The following LUC7L variants were observed in gnomAD, a reference collection of about 807,000 sequenced individuals.
LUC7L encodes putative RNA-binding protein Luc7-like 1.
In LUC7L, 29 loss-of-function variants were observed where a neutral mutation model predicts 51.1. The ratio of observed to expected loss-of-function variants is 0.57; its 90% CI spans 0.42 to 0.77. LUC7L has a LOEUF of 0.77. LUC7L is among the 30% of genes least tolerant of loss of function. LUC7L has a pLI of 0.00. For synonymous variants in LUC7L, 181 were observed against 180.7 expected, an observed-to-expected ratio of 1.00 and a Z score of -0.01; for missense variants, 403 against 511.9, an observed-to-expected ratio of 0.79 and a Z score of 2.05.
intron 3 of LUC7L, among the ~76,000 whole-genome samples, chr16:213,645 T>G (rs908441288): frequency 1.3e-5 from 2 of 152,168 alleles, no homozygotes; most frequent in African/African-American, 4.8e-5. Context: ...CCTCATGCAA[T>G]CCGTCTGCCT....
intron 3 of LUC7L, chr16:208,506 CAT>C: frequency 8.9e-6 from 5 of 560,408 alleles, no homozygotes; most frequent in South Asian, 2.9e-5. Flanking sequence ...GGCAGCAATT[CAT>C]AGAGTTCTCG....
chr16:212,762 T>G (rs1170247006), intron 3 of LUC7L, among the ~76,000 whole-genome samples: 4 of 152,106 alleles, frequency 2.6e-5, no homozygotes, highest in African/African-American at 9.7e-5. Context: ...TTTCAACATG[T>G]GAACACTAAA....
intron 3 of LUC7L, among the ~76,000 whole-genome samples, chr16:216,382 T>G (rs776639402): frequency 6.1e-5 from 3 of 48,842 alleles, no homozygotes; most frequent in South Asian, 6.0e-4. Flanking sequence ...AAATAGTTGT[T>G]TTTTTTTTTT....
intron 5 of LUC7L, 78 bp downstream of exon 5, chr16:205,926 T>G: frequency 6.6e-7 from 1 of 1,507,432 alleles, no homozygotes; most frequent in Non-Finnish European, 9.0e-7. Flanking sequence ...GGAGCAAGCA[T>G]GGGCTCAATT....
At chr16:201,254 A>C (rs1009875892) in intron 5 of LUC7L, among the ~76,000 whole-genome samples, 117 of 150,918 alleles carry the variant, frequency 7.8e-4, no homozygotes, top group African/African-American at 2.8e-3. Flanking sequence ...AAAAAAAAAA[A>C]AAAAAAAAAA....
At chr16:202,237 G>A (rs184287832) in intron 5 of LUC7L, among the ~76,000 whole-genome samples, 2 of 121,528 alleles carry the variant, frequency 1.6e-5, no homozygotes, top group East Asian at 4.4e-4. Flanking sequence ...ATATCACATG[G>A]CAAAAGAAGG....
intron 6 of LUC7L, among the ~76,000 whole-genome samples, chr16:194,622 G>A (rs1301030760): frequency 1.3e-5 from 2 of 152,188 alleles, no homozygotes; most frequent in Non-Finnish European, 2.9e-5. Context: ...CAGGGTGCTG[G>A]GTGCTACGCT....
chr16:207,332 C>T (rs997946675), intron 4 of LUC7L, among the ~76,000 whole-genome samples: 80 of 152,182 alleles, frequency 5.3e-4, no homozygotes, highest in African/African-American at 1.8e-3. Flanking sequence ...AAGTGATCCT[C>T]CCACCTCAGC....
intron 6 of LUC7L, 49 bp from the exon 7 acceptor site, chr16:193,064 A>G: frequency 7.1e-7 from 1 of 1,407,122 alleles, no homozygotes. Context: ...CACAAACCAG[A>G]GTGTGAATGC....
chr16:206,794 C>G (rs749244790), intron 4 of LUC7L, among the ~76,000 whole-genome samples: 16 of 151,136 alleles, frequency 1.1e-4, no homozygotes, highest in African/African-American at 3.9e-4. Context: ...CATGCTGGCT[C>G]ACACCTGTAA....
intron 3 of LUC7L, chr16:208,500 G>T: frequency 3.9e-6 from 2 of 506,724 alleles, no homozygotes; most frequent in Non-Finnish European, 2.8e-6. Context: ...ACACTTGGCA[G>T]CAATTCATAG....
chr16:229,114 C>T (rs2050206400), intron 1 of LUC7L, 165 bp downstream of exon 1: 1 of 1,402,702 alleles, frequency 7.1e-7, no homozygotes, highest in Non-Finnish European at 9.2e-7. Context: ...CAGAGACGCA[C>T]CGGCTTAGAC....
rs11863890 is a variant in LUC7L at position 229,118 on chromosome 16, C to G, written c.61+161G>C. The G allele has an allele frequency of 2.2e-3, 3,146 of 1,410,872 alleles. 34 individuals carry two copies. The African/African-American group carries it at 0.031, about 14-fold the overall frequency. The allele number at this position is 1,410,872 out of a possible 1,614,324, so 87.4% of individuals were successfully genotyped here. A position where few individuals can be genotyped will look rare whatever the true frequency, so the allele number is the denominator to read the frequency against. On this transcript the variant is annotated intron_variant, in intron 1 of 9. Transcript: ENST00000293872. Reference sequence around the variant, plus strand: ...CACGGCCGCCTCAGAGACGCACCGGCTTAGACAAAGGCCCGGCGCCTGCGG... The same window carrying G: ...CACGGCCGCCTCAGAGACGCACCGGGTTAGACAAAGGCCCGGCGCCTGCGG...
Position 189,045 on chromosome 16 carries a change from G to T in LUC7L, c.*153C>A. 1 of 828,786 alleles carries T rather than the reference G, an allele frequency of 1.2e-6. No homozygotes were observed. The allele number at this position is 828,786 out of a possible 1,614,324, so 51.3% of individuals were successfully genotyped here. ...TACTCAACATGACCCGGGAACACAGGAGCAACTCTGTACACTTCTAGAAAC... is the reference window on the plus strand; with the variant it reads ...TACTCAACATGACCCGGGAACACAGTAGCAACTCTGTACACTTCTAGAAAC... On this transcript the variant is annotated 3_prime_UTR_variant, in exon 10 of 10. Coordinates refer to ENST00000293872, the MANE Select transcript of LUC7L (RefSeq NM_201412.3).
chr16:189,350 G>C lies in LUC7L; in HGVS notation c.975-11C>G. 6.2e-7 allele frequency: 1 copy of C among 1,603,264 alleles called. No individual in the cohort carries two copies. Among genetic ancestry groups the C allele is most frequent in the Non-Finnish European group, 8.5e-7 (1 of 1,175,586 alleles). On this transcript the variant is annotated splice_polypyrimidine_tract_variant and intron_variant, in intron 9 of 9. Transcript: ENST00000293872. ...CGCTCTCTGGAGAACCTGGGAAATG[G>C]GAACCAGAGGCTCAGTGGAGGCTGC...
chr16:223,017 T>TA (rs2050019497), intron 2 of LUC7L, among the ~76,000 whole-genome samples: 2 of 139,636 alleles, frequency 1.4e-5, no homozygotes, highest in Non-Finnish European at 3.1e-5. Flanking sequence ...GGGAAAAAAA[T>TA]AGAGAGGCTT....
intron 1 of LUC7L, chr16:229,037 G>C: frequency 7.0e-7 from 1 of 1,426,652 alleles, no homozygotes; most frequent in Non-Finnish European, 9.2e-7. Context: ...TACATAGGAA[G>C]GAGGCTGAAG....
intron 7 of LUC7L, 106 bp downstream of exon 7, chr16:192,821 A>AC (rs2049044464): frequency 1.0e-6 from 1 of 976,184 alleles, no homozygotes; most frequent in Admixed American, 1.9e-5. Context: ...TTCTTTTATA[A>AC]CGGCCTATTG....
intron 6 of LUC7L, among the ~76,000 whole-genome samples, chr16:196,226 G>A (rs1427762539): frequency 2.0e-5 from 3 of 152,048 alleles, no homozygotes; most frequent in African/African-American, 4.8e-5. Flanking sequence ...TGAGCAACAC[G>A]GTGAAACCCC....
Sources: allele counts gnomAD v4.1 joint callset (sites outside exome capture counted in the v4.1 genomes callset), GRCh38; gene constraint gnomAD v4.1.1; transcripts MANE v1.5; gene names NCBI Gene and HGNC (gene_info 2026-07-23, HGNC 2026-07-21).